The following CACNA2D3 variants were observed in gnomAD, a reference collection of about 807,000 sequenced individuals.
CACNA2D3 encodes voltage-dependent calcium channel subunit alpha-2/delta-3.
In CACNA2D3, 60 loss-of-function variants were observed where a neutral mutation model predicts 160.6. The ratio of observed to expected loss-of-function variants is 0.37; its 90% CI spans 0.30 to 0.46. The LOEUF (loss-of-function observed/expected upper bound fraction) is 0.46. CACNA2D3 is among the 20% of genes least tolerant of loss of function. The probability of loss-of-function intolerance (pLI) is 1.00; values close to 1 mark genes in which losing one functional copy is unlikely to be tolerated. For synonymous variants in CACNA2D3, 558 were observed against 492.9 expected, an observed-to-expected ratio of 1.13 and a Z score of -1.75; for missense variants, 1,205 against 1,365.0, an observed-to-expected ratio of 0.88 and a Z score of 1.85.
chr3:54,402,926 G>A lies in CACNA2D3; in HGVS notation c.381+16152G>A, dbSNP rs116099383. Among the ~76,000 whole-genome samples the A allele has an allele frequency of 4.1e-3, 631 of 152,222 alleles. 6 individuals are homozygous for A. Among genetic ancestry groups the A allele is most frequent in the African/African-American group, 0.013 (553 of 41,522 alleles). ...CTTAAGAAGATTGGAATCATATCAA[G>A]TATTATTTATGACCACAAGTATATG... On this transcript the variant is annotated intron_variant, in intron 4 of 37. Transcript: ENST00000474759.
At chr3:54,342,114 A>G (rs1698364035) in intron 3 of CACNA2D3, among the ~76,000 whole-genome samples, 1 of 152,206 alleles carries the variant, frequency 6.6e-6, no homozygotes, top group Non-Finnish European at 1.5e-5. Context: ...AAGCCCATCA[A>G]TATCTATTTA....
chr3:54,669,011 A>G (rs1559544345), intron 11 of CACNA2D3, among the ~76,000 whole-genome samples: 1 of 152,110 alleles, frequency 6.6e-6, no homozygotes, highest in Non-Finnish European at 1.5e-5. Context: ...ATGGGATTAT[A>G]TTCCTTTTCT....
At chr3:54,810,612 G>T (rs1195051812) in intron 13 of CACNA2D3, among the ~76,000 whole-genome samples, 2 of 152,130 alleles carry the variant, frequency 1.3e-5, no homozygotes, top group East Asian at 3.9e-4. Context: ...ATAAAGATAT[G>T]TAGGCCAGGC....
At chr3:55,028,034 A>G (rs1337688409) in intron 35 of CACNA2D3, among the ~76,000 whole-genome samples, 5 of 152,170 alleles carry the variant, frequency 3.3e-5, no homozygotes, top group East Asian at 1.9e-4. Context: ...AGGTGGTTCT[A>G]CCCATATAGC....
At chr3:54,826,583 C>T (rs138483781) in intron 14 of CACNA2D3, among the ~76,000 whole-genome samples, 11 of 152,256 alleles carry the variant, frequency 7.2e-5, no homozygotes, top group Admixed American at 2.0e-4. Context: ...CATATTTGCC[C>T]AGGCCTGGAA....
chr3:54,339,707 G>A (rs1704472766), intron 3 of CACNA2D3, among the ~76,000 whole-genome samples: 1 of 152,124 alleles, frequency 6.6e-6, no homozygotes, highest in Non-Finnish European at 1.5e-5. Flanking sequence ...TTAGAAACTC[G>A]AGTAACTTAA....
At chr3:54,604,406 CA>C (rs1316156318) in intron 9 of CACNA2D3, among the ~76,000 whole-genome samples, 3 of 152,218 alleles carry the variant, frequency 2.0e-5, no homozygotes, top group Non-Finnish European at 2.9e-5. Flanking sequence ...CCTGCCTACT[CA>C]GGGGTCCTTT....
intron 4 of CACNA2D3, among the ~76,000 whole-genome samples, chr3:54,394,234 G>T (rs966020138): frequency 6.6e-6 from 1 of 151,922 alleles, no homozygotes; most frequent in African/African-American, 2.4e-5. Flanking sequence ...TCCCCGGAGC[G>T]GCCTTAGCTG....
chr3:55,043,584 G>T (rs1373320559), intron 35 of CACNA2D3, among the ~76,000 whole-genome samples: 2 of 151,942 alleles, frequency 1.3e-5, no homozygotes, highest in Non-Finnish European at 2.9e-5. Flanking sequence ...AACATGGCCT[G>T]CAGCTTGTCT....
intron 2 of CACNA2D3, among the ~76,000 whole-genome samples, chr3:54,219,892 C>A (rs1354410744): frequency 1.3e-5 from 2 of 151,776 alleles, no homozygotes; most frequent in African/African-American, 2.4e-5. Flanking sequence ...ATTAAGAATT[C>A]TTCTTAATTA....
chr3:54,704,492 C>T (rs1051621537), intron 11 of CACNA2D3, among the ~76,000 whole-genome samples: 1 of 151,772 alleles, frequency 6.6e-6, no homozygotes, highest in Non-Finnish European at 1.5e-5. Context: ...TTGCCTTTTC[C>T]CTGTGTTGAT....
intron 31 of CACNA2D3, among the ~76,000 whole-genome samples, chr3:54,995,440 C>T (rs1452108282): frequency 6.6e-6 from 1 of 152,092 alleles, no homozygotes; most frequent in Non-Finnish European, 1.5e-5. Context: ...GGGACCCTCA[C>T]GTTACAGACC....
chr3:54,152,115 T>A (rs1700163036), intron 2 of CACNA2D3, among the ~76,000 whole-genome samples: 1 of 152,230 alleles, frequency 6.6e-6, no homozygotes, highest in Non-Finnish European at 1.5e-5. Flanking sequence ...TTGTGTTTGG[T>A]TATCTGTGCC....
intron 11 of CACNA2D3, among the ~76,000 whole-genome samples, chr3:54,668,233 C>T (rs558473134): frequency 2.0e-5 from 3 of 152,140 alleles, no homozygotes; most frequent in Non-Finnish European, 4.4e-5. Context: ...ATCAGACATA[C>T]AGTGCCTTGA....
chr3:54,862,173 G>C (rs1221192863), intron 17 of CACNA2D3, among the ~76,000 whole-genome samples: 1 of 152,156 alleles, frequency 6.6e-6, no homozygotes, highest in Admixed American at 6.5e-5. Context: ...AGTATCCTCA[G>C]AGGGTTGCAG....
At chr3:54,501,405 T>A (rs932156331) in intron 4 of CACNA2D3, among the ~76,000 whole-genome samples, 2 of 92,630 alleles carry the variant, frequency 2.2e-5, no homozygotes, top group African/African-American at 3.0e-5. Context: ...GCTCTAACAC[T>A]ATTTTTTTTT....
At chr3:54,982,372 A>T (rs1032723982) in intron 29 of CACNA2D3, among the ~76,000 whole-genome samples, 3 of 152,074 alleles carry the variant, frequency 2.0e-5, no homozygotes, top group Admixed American at 1.3e-4. Context: ...CTGCCTTAGG[A>T]GAGACTCTTA....
At chr3:54,848,948 CTTGT>C (rs1698993712) in intron 17 of CACNA2D3, among the ~76,000 whole-genome samples, 1 of 152,168 alleles carries the variant, frequency 6.6e-6, no homozygotes, top group Non-Finnish European at 1.5e-5. Flanking sequence ...ATTTGGACAT[CTTGT>C]TTGTGTTTAT....
intron 27 of CACNA2D3, among the ~76,000 whole-genome samples, chr3:54,956,489 C>T (rs187606760): frequency 6.6e-6 from 1 of 152,188 alleles, no homozygotes; most frequent in Non-Finnish European, 1.5e-5. Context: ...GCATGGGCCA[C>T]ATGGTCTTAA....
Sources: allele counts gnomAD v4.1 joint callset (sites outside exome capture counted in the v4.1 genomes callset), GRCh38; gene constraint gnomAD v4.1.1; transcripts MANE v1.5; gene names NCBI Gene and HGNC (gene_info 2026-07-23, HGNC 2026-07-21).